The following GFRA2 variants were observed in gnomAD, a reference collection of about 807,000 sequenced individuals.
GFRA2 encodes GDNF family receptor alpha 2, also known as GDNF family receptor alpha-2.
A neutral mutation model predicts 48.3 loss-of-function variants in GFRA2; 17 were observed. That is an observed-to-expected ratio of 0.35 (90% confidence interval 0.24 to 0.53). GFRA2 has a LOEUF of 0.53. Among genes scored for constraint, GFRA2 ranks in the 20% least tolerant of loss-of-function variants. The pLI is 0.93. For synonymous variants in GFRA2, 305 were observed against 257.2 expected (o/e 1.19, Z -1.78); for missense variants, 660 against 637.3 (o/e 1.04, Z -0.38).
intron 4 of GFRA2, among the ~76,000 whole-genome samples, chr8:21,732,569 G>A (rs1804250065): frequency 6.6e-6 from 1 of 152,218 alleles, no homozygotes; most frequent in African/African-American, 2.4e-5. Flanking sequence ...ATCCACCAGG[G>A]AGCCCCCATG....
At chr8:21,715,281 C>T (rs762593371) in intron 4 of GFRA2, among the ~76,000 whole-genome samples, 2 of 152,146 alleles carry the variant, frequency 1.3e-5, no homozygotes, top group Non-Finnish European at 1.5e-5. Flanking sequence ...AGAGGACTTC[C>T]TCGTTGGGCC....
At chr8:21,769,007 C>T (rs1226440180) in intron 3 of GFRA2, 1 of 161,688 alleles carries the variant, frequency 6.2e-6, no homozygotes, top group Non-Finnish European at 1.3e-5. Flanking sequence ...AAGACTTCCT[C>T]AATTTCCCCA....
intron 3 of GFRA2, among the ~76,000 whole-genome samples, chr8:21,757,853 C>T (rs1563250759): frequency 6.6e-6 from 1 of 152,166 alleles, no homozygotes; most frequent in Non-Finnish European, 1.5e-5. Flanking sequence ...TATTGACTCA[C>T]CTTTTACGTT....
chr8:21,811,825 G>A (rs1807987198), intron 1 of GFRA2, among the ~76,000 whole-genome samples: 1 of 150,422 alleles, frequency 6.6e-6, no homozygotes, highest in South Asian at 2.1e-4. Context: ...TGGACTCACA[G>A]GAAGTTGTAA....
At chr8:21,718,201 C>T (rs554418396) in intron 4 of GFRA2, among the ~76,000 whole-genome samples, 55 of 152,248 alleles carry the variant, frequency 3.6e-4, no homozygotes, top group African/African-American at 1.2e-3. Context: ...ATGCTGTTGT[C>T]GTGATAGTGA....
intron 8 of GFRA2, among the ~76,000 whole-genome samples, 162 bp downstream of exon 8, chr8:21,694,302 C>A (rs143484486): frequency 6.6e-6 from 1 of 151,804 alleles, no homozygotes; most frequent in Non-Finnish European, 1.5e-5. Flanking sequence ...CGCACTCCCC[C>A]ACCCCACCCC....
intron 1 of GFRA2, among the ~76,000 whole-genome samples, chr8:21,786,308 G>A (rs1807265403): frequency 6.6e-6 from 1 of 152,186 alleles, no homozygotes; most frequent in Non-Finnish European, 1.5e-5. Flanking sequence ...AATGACCAGG[G>A]GCCCACACTG....
intron 3 of GFRA2, among the ~76,000 whole-genome samples, chr8:21,772,367 CA>C (rs1806479198): frequency 6.6e-6 from 1 of 152,140 alleles, no homozygotes; most frequent in Non-Finnish European, 1.5e-5. Flanking sequence ...GCAGTGGTGT[CA>C]TTATGGCTCA....
chr8:21,786,273 G>A (rs1207573551), intron 1 of GFRA2, among the ~76,000 whole-genome samples: 1 of 152,158 alleles, frequency 6.6e-6, no homozygotes, highest in African/African-American at 2.4e-5. Flanking sequence ...TCCTTAGCCT[G>A]CCCGGCTGGA....
chr8:21,721,641 T>C (rs1331176330), intron 4 of GFRA2, among the ~76,000 whole-genome samples: 3 of 152,178 alleles, frequency 2.0e-5, no homozygotes, highest in African/African-American at 7.2e-5. Context: ...AAAAATAGAA[T>C]TGGCTGTATA....
chr8:21,766,381 T>C (rs935951326), intron 3 of GFRA2, among the ~76,000 whole-genome samples: 9 of 152,024 alleles, frequency 5.9e-5, no homozygotes, highest in African/African-American at 1.9e-4. Flanking sequence ...ATAAACTCCA[T>C]ACGAGCAGCA....
At chr8:21,711,798 C>A (rs1803047997) in intron 4 of GFRA2, among the ~76,000 whole-genome samples, 1 of 150,960 alleles carries the variant, frequency 6.6e-6, no homozygotes, top group Non-Finnish European at 1.5e-5. Flanking sequence ...GAACAAAGGT[C>A]TCTGGTTTTC....
rs150208573 is a variant in GFRA2, at chr8:21,762,770, A to G, written c.440-11828T>C. 8.8e-3 allele frequency among the ~76,000 whole-genome samples: 1,346 copies of G among 152,314 alleles called. 16 individuals are homozygous for G. Among genetic ancestry groups the G allele is most frequent in the African/African-American group, 0.031 (1,305 of 41,580 alleles). On this transcript the variant is annotated intron_variant, in intron 3 of 8. Transcript: ENST00000524240. ...TTTCTCATTCAAAGGAATTTTTTCAACCGCTTTTGAGTGGCCTATTTCTTT... is the reference window on the plus strand; with the variant it reads ...TTTCTCATTCAAAGGAATTTTTTCAGCCGCTTTTGAGTGGCCTATTTCTTT...
In GFRA2 at chr8:21,807,844, A is replaced by G. The variant is rs191544326; in HGVS notation, c.-147-2716T>C. ...TTTCTATTTCAATTCCGTCTGTAACATGGACATCATAACGCCTCTTTCTCC... is the reference window on the plus strand; with the variant it reads ...TTTCTATTTCAATTCCGTCTGTAACGTGGACATCATAACGCCTCTTTCTCC... On this transcript the variant is annotated intron_variant, in intron 1 of 10. Coordinates refer to the GFRA2 transcript ENST00000517328. Among the ~76,000 whole-genome samples the G allele has an allele frequency of 2.9e-3, 441 of 152,370 alleles. 2 individuals are homozygous for G. Among genetic ancestry groups the G allele is most frequent in the African/African-American group, 9.2e-3 (383 of 41,586 alleles).
chr8:21,810,034 T>C (rs1320081076), intron 1 of GFRA2, among the ~76,000 whole-genome samples: 3 of 152,090 alleles, frequency 2.0e-5, no homozygotes, highest in Admixed American at 2.0e-4. Context: ...CAACGCATGA[T>C]CTGAAATAGG....
chr8:21,737,287 T>C (rs1804514319), intron 4 of GFRA2, among the ~76,000 whole-genome samples: 1 of 152,066 alleles, frequency 6.6e-6, no homozygotes, highest in African/African-American at 2.4e-5. Context: ...GAGAATCGCT[T>C]GAACCTGGGA....
intron 4 of GFRA2, among the ~76,000 whole-genome samples, chr8:21,732,126 A>G (rs1032483183): frequency 7.9e-5 from 12 of 152,256 alleles, no homozygotes; most frequent in Non-Finnish European, 1.3e-4. Context: ...TGCATAGAAC[A>G]TGGTAGACAA....
chr8:21,717,331 T>C (rs902664699), intron 4 of GFRA2, among the ~76,000 whole-genome samples: 6 of 152,208 alleles, frequency 3.9e-5, no homozygotes, highest in Admixed American at 2.0e-4. Context: ...ATGGCAAGGA[T>C]GTAGATCGTG....
At chr8:21,740,756 G>A (rs904952716) in intron 4 of GFRA2, among the ~76,000 whole-genome samples, 5 of 152,298 alleles carry the variant, frequency 3.3e-5, no homozygotes, top group African/African-American at 7.2e-5. Context: ...AAGGCATCTC[G>A]AAATTAACAT....
Sources: allele counts gnomAD v4.1 joint callset (sites outside exome capture counted in the v4.1 genomes callset), GRCh38; gene constraint gnomAD v4.1.1; transcripts MANE v1.5; gene names NCBI Gene and HGNC (gene_info 2026-07-23, HGNC 2026-07-21).